Variants in CDH22 observed in about 807,000 individuals in gnomAD.
CDH22 encodes the protein cadherin-22.
Under a neutral mutation model 58.4 loss-of-function variants are expected in CDH22, and 30 were observed. The observed-to-expected ratio is 0.51, with a 90% CI of 0.38 to 0.70. CDH22 has a LOEUF of 0.70. Among genes scored for constraint, CDH22 ranks in the 30% least tolerant of loss-of-function variants. The probability of loss-of-function intolerance (pLI) is 0.00; values close to 1 mark genes in which losing one functional copy is unlikely to be tolerated. For missense variants in CDH22, 1,014 were observed against 1,233.9 expected, an observed-to-expected ratio of 0.82 and a Z score of 2.67; for synonymous variants, 513 against 558.2, an observed-to-expected ratio of 0.92 and a Z score of 1.14.
intron 8 of CDH22, among the ~76,000 whole-genome samples, chr20:46,189,046 C>A (rs1180574054): frequency 6.6e-6 from 1 of 152,074 alleles, no homozygotes; most frequent in African/African-American, 2.4e-5. Flanking sequence ...GTGCTGACGG[C>A]AGCTGCTCAC....
Position 46,186,882 on chromosome 20 carries a change from G to C in CDH22, c.1489C>G (p.Pro497Ala). The C allele has an allele frequency of 6.2e-7, 1 of 1,612,296 alleles. No individual in the cohort carries two copies. Among genetic ancestry groups the C allele is most frequent in the Non-Finnish European group, 8.5e-7 (1 of 1,179,134 alleles). ...IRILDVNDNP[P>A]ELATPYEAAV... ...GCCTCGTAGGGTGTGGCCAGTTCTG[G>C]GGGATTGTCGTTCACATCCAGGATT... The change falls in exon 9 of 12, where the codon CCA becomes GCA. Residue 497 changes from proline to alanine, a missense_variant. Coordinates refer to ENST00000537909, the MANE Select transcript of CDH22 (RefSeq NM_021248.3).
Position 46,174,424 on chromosome 20 carries a change from T to G in CDH22, c.*82A>C. On this transcript the variant is annotated 3_prime_UTR_variant, in exon 12 of 12. Coordinates refer to ENST00000537909, the MANE Select transcript of CDH22 (RefSeq NM_021248.3). This position sits in a 1 kb window ranked among gnomAD's most constrained non-coding sequence, Gnocchi z 4.4. ...GGTTGGGGGAGGGCAGGAAAGGGGG[T>G]CCGCGGGGGAAACGCGTTGTCCTGG... is the stretch of plus-strand genomic sequence containing the variant. 1 of 993,880 alleles carries G rather than the reference T, an allele frequency of 1.0e-6. No homozygotes were observed. The allele number at this position is 993,880 out of a possible 1,614,324, so 61.6% of individuals were successfully genotyped here.
chr20:46,306,370 G>A (rs1251216379), intron 1 of CDH22, among the ~76,000 whole-genome samples: 2 of 152,256 alleles, frequency 1.3e-5, no homozygotes, highest in Admixed American at 6.5e-5. Context: ...AGCCCAGGTG[G>A]TCTCCAATGT....
intron 1 of CDH22, among the ~76,000 whole-genome samples, chr20:46,297,301 C>T (rs2086633000): frequency 6.6e-6 from 1 of 151,874 alleles, no homozygotes; most frequent in Non-Finnish European, 1.5e-5. Flanking sequence ...GTTCAGGGGA[C>T]AGAAATTCTG....
chr20:46,244,522 A>G (rs544149831), intron 2 of CDH22, among the ~76,000 whole-genome samples: 2 of 152,304 alleles, frequency 1.3e-5, no homozygotes, highest in East Asian at 3.9e-4. Context: ...AGAACCTACT[A>G]TGTGTCAGAC....
chr20:46,250,805 G>A (rs1006581161), intron 2 of CDH22, among the ~76,000 whole-genome samples: 1 of 152,190 alleles, frequency 6.6e-6, no homozygotes, highest in African/African-American at 2.4e-5. Flanking sequence ...GGATGGAATG[G>A]GATTGCCTGC....
intron 1 of CDH22, among the ~76,000 whole-genome samples, chr20:46,259,301 T>C (rs138798761): frequency 1.3e-5 from 2 of 152,350 alleles, no homozygotes; most frequent in African/African-American, 2.4e-5. Context: ...TGAACACTTA[T>C]TGAACTACTA....
In CDH22 at chr20:46,254,858, G is replaced by GT. The variant is rs1193448106; in HGVS notation, c.-399-3166dup. Among the ~76,000 whole-genome samples, 3 of 152,242 alleles carry GT rather than the reference G, an allele frequency of 2.0e-5. No individual in the cohort carries two copies. In the East Asian group the frequency reaches 5.8e-4, roughly 29 times the overall value. On this transcript the variant is annotated intron_variant, in intron 1 of 11. Transcript: ENST00000537909. ...CACACAGAGGGAACAGCATGCAAAG[G>GT]TCCAGAGGTTGGAATGAGCTGAGAT... is the stretch of plus-strand genomic sequence containing the variant.
chr20:46,177,900 G>T (rs2085752118), intron 11 of CDH22, 46 bp downstream of exon 11: 1 of 1,601,280 alleles, frequency 6.2e-7, no homozygotes, highest in African/African-American at 1.3e-5. Context: ...CAGGACGCCA[G>T]GATGGGGCCA....
chr20:46,245,534 AAT>A (rs917844517), intron 2 of CDH22, among the ~76,000 whole-genome samples: 2 of 152,062 alleles, frequency 1.3e-5, no homozygotes, highest in African/African-American at 2.4e-5. Flanking sequence ...GGGAAAGTTG[AAT>A]ATGTGTGTGT....
In CDH22 at chr20:46,199,520, G is replaced by A. The variant is rs2085938581; in HGVS notation, c.1326C>T (p.Phe442=). ...IDRESDLDQI[F]DIDADTGAIV... is the part of the protein sequence containing the mutation. ...TGGCGCCTGTGTCCGCATCGATATC[G>A]AAGATCTGGTCCAAATCTGATTCGC... Residue 442 remains phenylalanine (F), a synonymous_variant, in exon 8 of 12, where the codon TTC becomes TTT. Transcript: ENST00000537909. 1.2e-6 allele frequency: 2 copies of A among 1,613,906 alleles called. No homozygotes were observed. Among genetic ancestry groups the A allele is most frequent in the Non-Finnish European group, 1.7e-6 (2 of 1,179,982 alleles).
chr20:46,230,571 T>A (rs2086213678), intron 3 of CDH22, among the ~76,000 whole-genome samples: 1 of 152,240 alleles, frequency 6.6e-6, no homozygotes, highest in Non-Finnish European at 1.5e-5. Flanking sequence ...TTATGAATTA[T>A]GTAACATTAT....
At position 46,186,830 on chromosome 20, in the gene CDH22, C is replaced by A; in HGVS notation, c.1541G>T (p.Gly514Val). ...TCCCCACCCCCTCAGGGGTACCTGG[C>A]CTGGCTTGGCATCCTCGCATACAGC... ...EAAVCEDAKPGQLIQTISVVD... is the reference protein window; with the variant it reads ...EAAVCEDAKPVQLIQTISVVD... Residue 514 changes from glycine to valine, a missense_variant, in exon 9 of 12, where the codon GGC becomes GTC. Gly to Val is a moderately radical substitution (Grantham distance 109, BLOSUM62 -3). Coordinates refer to ENST00000537909, the MANE Select transcript of CDH22 (RefSeq NM_021248.3). The A allele has an allele frequency of 1.9e-6, 3 of 1,602,086 alleles. No individual in the cohort carries two copies. Among genetic ancestry groups the A allele is most frequent in the Admixed American group, 1.7e-5 (1 of 59,028 alleles).
At chr20:46,205,065 C>T (rs1207610678) in intron 7 of CDH22, among the ~76,000 whole-genome samples, 1 of 152,060 alleles carries the variant, frequency 6.6e-6, no homozygotes, top group East Asian at 1.9e-4. Context: ...CAGCCTGCCT[C>T]CTGCTCCACT....
At chr20:46,189,320 T>A (rs2085847880) in intron 8 of CDH22, among the ~76,000 whole-genome samples, 2 of 152,236 alleles carry the variant, frequency 1.3e-5, no homozygotes, top group South Asian at 2.1e-4. Flanking sequence ...AAGAGTGCGT[T>A]GCCGGAGAAT....
intron 1 of CDH22, among the ~76,000 whole-genome samples, chr20:46,287,489 C>T (rs1024299062): frequency 4.0e-5 from 6 of 151,742 alleles, no homozygotes; most frequent in Admixed American, 1.3e-4. Context: ...GTGGGGGTGG[C>T]GAGGGCGAGG....
chr20:46,179,199 C>T (rs1330576467), intron 10 of CDH22, among the ~76,000 whole-genome samples: 3 of 152,212 alleles, frequency 2.0e-5, no homozygotes, highest in Non-Finnish European at 4.4e-5. Context: ...CCCAGAGCTC[C>T]GAAGGCTGCT....
intron 10 of CDH22, among the ~76,000 whole-genome samples, chr20:46,180,946 G>GTGTC (rs1025401313): frequency 6.6e-6 from 1 of 151,616 alleles, no homozygotes; most frequent in African/African-American, 2.4e-5. Context: ...GTGTGTGTGT[G>GTGTC]TGTGTGTGTG....
chr20:46,232,785 C>T (rs570356589), intron 3 of CDH22, among the ~76,000 whole-genome samples: 13 of 152,326 alleles, frequency 8.5e-5, no homozygotes, highest in East Asian at 7.7e-4. Flanking sequence ...ACTCCCTCTT[C>T]GATCATCACT....
Sources: gnomAD v4.1 joint callset for allele counts (sites outside exome capture counted in the v4.1 genomes callset) on GRCh38, gnomAD v4.1.1 for gene constraint, Gnocchi (gnomAD v3.1) non-coding constraint, MANE v1.5 for transcripts, NCBI Gene and HGNC (gene_info 2026-07-23, HGNC 2026-07-21) for gene names.